TRAPPC12: variants seen among roughly 807,000 people sequenced by gnomAD.
TRAPPC12 encodes the protein trafficking protein particle complex subunit 12, also known as TPR repeat protein 15.
In TRAPPC12, 61 loss-of-function variants were observed where a neutral mutation model predicts 69.2. The observed-to-expected ratio is 0.88, with a 90% confidence interval of 0.72 to 1.09. The LOEUF (loss-of-function observed/expected upper bound fraction) is 1.09, where lower values mean the gene tolerates loss of function less well. Ranked by LOEUF, TRAPPC12 falls within the 50% of genes least tolerant of loss-of-function variation. TRAPPC12 has a pLI of 0.00. For missense variants in TRAPPC12, 1,101 were observed against 1,016.4 expected (o/e 1.08, Z -1.13); for synonymous variants, 469 against 438.9 (o/e 1.07, Z -0.86).
intron 5 of TRAPPC12, among the ~76,000 whole-genome samples, chr2:3,433,434 GT>G (rs1245132985): frequency 6.6e-6 from 1 of 152,230 alleles, no homozygotes; most frequent in Non-Finnish European, 1.5e-5. Context: ...CAGGCATCAT[GT>G]CACACCTGCT....
intron 2 of TRAPPC12, among the ~76,000 whole-genome samples, chr2:3,393,155 G>A (rs1200120646): frequency 1.3e-5 from 2 of 152,058 alleles, no homozygotes; most frequent in African/African-American, 4.8e-5. Flanking sequence ...TATACACAAT[G>A]GAATTCTATT....
chr2:3,435,184 T>TTTATA (rs1663687462), intron 5 of TRAPPC12, among the ~76,000 whole-genome samples: 1 of 151,896 alleles, frequency 6.6e-6, no homozygotes, highest in South Asian at 2.1e-4. Flanking sequence ...AGCTAATATT[T>TTTATA]GTATTTTTAG....
chr2:3,461,311 T>G (rs1665483699), intron 8 of TRAPPC12, among the ~76,000 whole-genome samples: 1 of 152,188 alleles, frequency 6.6e-6, no homozygotes, highest in Non-Finnish European at 1.5e-5. Context: ...CATCAGTGGC[T>G]CAGGCATTCC....
intron 3 of TRAPPC12, among the ~76,000 whole-genome samples, chr2:3,405,708 T>A (rs1661693811): frequency 6.6e-6 from 1 of 152,230 alleles, no homozygotes; most frequent in Admixed American, 6.5e-5. Flanking sequence ...TGGGATTTAC[T>A]CAGATTTAGA....
At chr2:3,447,463 C>T (rs1049751598) in intron 6 of TRAPPC12, among the ~76,000 whole-genome samples, 2 of 152,024 alleles carry the variant, frequency 1.3e-5, no homozygotes, top group African/African-American at 2.4e-5. Flanking sequence ...AGAAAGACAG[C>T]GAGAGAGAAG....
At chr2:3,405,943 T>G (rs1661705445) in intron 3 of TRAPPC12, among the ~76,000 whole-genome samples, 1 of 152,160 alleles carries the variant, frequency 6.6e-6, no homozygotes, top group Non-Finnish European at 1.5e-5. Flanking sequence ...GGGAAGCTGC[T>G]TGTACTACAT....
chr2:3,383,992 T>C (rs1479810686), intron 1 of TRAPPC12, among the ~76,000 whole-genome samples: 4 of 145,110 alleles, frequency 2.8e-5, no homozygotes, highest in African/African-American at 5.1e-5. Flanking sequence ...GCCTCCTGGG[T>C]TCAAGTGATT....
At chr2:3,473,658 A>AG (rs927328192) in intron 9 of TRAPPC12, among the ~76,000 whole-genome samples, 2 of 151,982 alleles carry the variant, frequency 1.3e-5, no homozygotes, top group African/African-American at 4.8e-5. Context: ...TTTTGTAGAG[A>AG]GGGGGTCTTG....
At chr2:3,424,377 T>G in intron 4 of TRAPPC12, 148 bp from the exon 5 acceptor site, 1 of 664,012 alleles carries the variant, frequency 1.5e-6, no homozygotes, top group Non-Finnish European at 2.5e-6. Flanking sequence ...TTAAATACGA[T>G]TGTGTAAATA....
chr2:3,424,724 T>C, intron 5 of TRAPPC12, 61 bp downstream of exon 5: 1 of 1,491,200 alleles, frequency 6.7e-7, no homozygotes, highest in Non-Finnish European at 8.9e-7. Context: ...TTTGCTTTGA[T>C]TTATACATAA....
chr2:3,443,753 C>T, intron 5 of TRAPPC12, 26 bp from the exon 6 acceptor site: 1 of 1,598,252 alleles, frequency 6.3e-7, no homozygotes, highest in Non-Finnish European at 8.6e-7. Flanking sequence ...GGCAAACAAA[C>T]TCACTCAGCA....
chr2:3,381,404 A>T (rs148461655), intron 1 of TRAPPC12, among the ~76,000 whole-genome samples: 43 of 152,350 alleles, frequency 2.8e-4, no homozygotes, highest in African/African-American at 1.0e-3. Context: ...TCAAATACAG[A>T]ATTACTTAAA....
chr2:3,400,071 G>A (rs948081732), intron 2 of TRAPPC12, among the ~76,000 whole-genome samples: 4 of 152,218 alleles, frequency 2.6e-5, no homozygotes, highest in African/African-American at 7.2e-5. Context: ...CTGCTCACCC[G>A]AGAGACTGCA....
chr2:3,422,050 A>G (rs1243900611), intron 4 of TRAPPC12, 56 bp downstream of exon 4: 2 of 1,380,476 alleles, frequency 1.4e-6, no homozygotes, highest in African/African-American at 1.4e-5. Flanking sequence ...GTCTGGGGAC[A>G]TGGACAGGAC....
intron 2 of TRAPPC12, among the ~76,000 whole-genome samples, chr2:3,396,228 T>G: frequency 6.7e-6 from 1 of 149,192 alleles, no homozygotes; most frequent in East Asian, 1.9e-4. Flanking sequence ...TGTAGAATTC[T>G]AGGTTGACAG....
intron 1 of TRAPPC12, among the ~76,000 whole-genome samples, chr2:3,387,304 C>A (rs141332597): frequency 3.1e-4 from 47 of 152,194 alleles, no homozygotes; most frequent in Middle Eastern, 3.4e-3. Context: ...GGTGATTCCA[C>A]TTATTTTATA....
intron 5 of TRAPPC12, 88 bp from the exon 6 acceptor site, chr2:3,443,691 C>A: frequency 1.1e-6 from 1 of 920,200 alleles, no homozygotes; most frequent in Non-Finnish European, 1.8e-6. Flanking sequence ...TCTGCTGGGA[C>A]ATCTGCGACG....
At chr2:3,436,023 T>C (rs761365133) in intron 5 of TRAPPC12, among the ~76,000 whole-genome samples, 23 of 152,202 alleles carry the variant, frequency 1.5e-4, no homozygotes, top group Non-Finnish European at 3.2e-4. Context: ...TTTAGAGCAG[T>C]GCTTCTCCAT....
chr2:3,432,090 G>A (rs1157941184), intron 5 of TRAPPC12, among the ~76,000 whole-genome samples: 3 of 152,212 alleles, frequency 2.0e-5, no homozygotes, highest in African/African-American at 7.2e-5. Context: ...AGGGAAAATA[G>A]GAGCCCAAAA....
Sources: allele counts gnomAD v4.1 joint callset (sites outside exome capture counted in the v4.1 genomes callset), GRCh38; gene constraint gnomAD v4.1.1; transcripts MANE v1.5; gene names NCBI Gene and HGNC (gene_info 2026-07-23, HGNC 2026-07-21).